Variants in HNRNPA0 observed in about 807,000 individuals in gnomAD.
HNRNPA0 encodes the protein hnRNA binding protein.
For missense variants in HNRNPA0, 252 were observed against 433.7 expected (o/e 0.58, Z 3.72); for synonymous variants, 243 against 195.5 (o/e 1.24, Z -2.03).
In HNRNPA0 at chr5:137,753,371, A is replaced by AT; in HGVS notation, c.695dup (p.Asn232LysfsTer19). On this transcript the variant is annotated frameshift_variant, in exon 1 of 1. Coordinates refer to ENST00000314940, the MANE Select transcript of HNRNPA0 (RefSeq NM_006805.4). LOFTEE classifies it low-confidence loss of function (END_TRUNC). The surrounding 1 kb of genome is among the most constrained non-coding windows in gnomAD (Gnocchi z 6.1). ...AACCGCCGCCGCCGCCTCCGTAGGC[A>AT]TTGTAGCCGCCGCCTCCGCCGCCGC... is the stretch of plus-strand genomic sequence containing the variant. 1 of 1,545,052 alleles carries AT rather than the reference A, an allele frequency of 6.5e-7. No individual in the cohort carries two copies. Among genetic ancestry groups the AT allele is most frequent in the South Asian group, 1.2e-5 (1 of 84,330 alleles).
At position 137,754,285 on chromosome 5, in the gene HNRNPA0, G is replaced by GA. The variant is rs1753563669; in HGVS notation, c.-220dup. 4.9e-6 allele frequency: 3 copies of GA among 614,028 alleles called. No homozygotes were observed. The South Asian group carries it at 7.4e-5, about 15-fold the overall frequency. 38.0% of individuals were successfully genotyped at this position (614,028 alleles called of 1,614,324 possible). A position where few individuals can be genotyped will look rare whatever the true frequency, so the allele number is the denominator to read the frequency against. ...GGTGCCGGCTAAAGGGCGAGCCGAG[G>GA]AGACTGGAAGACAACCAAGGCCACC... On this transcript the variant is annotated 5_prime_UTR_variant, in exon 1 of 1. Coordinates refer to ENST00000314940, the MANE Select transcript of HNRNPA0 (RefSeq NM_006805.4).
Position 137,753,065 on chromosome 5 carries a change from G to T in HNRNPA0, c.*84C>A. The T allele has an allele frequency of 7.2e-7, 1 of 1,395,788 alleles. No homozygotes were observed. The allele number at this position is 1,395,788 out of a possible 1,614,324, so 86.5% of individuals were successfully genotyped here. A position where few individuals can be genotyped will look rare whatever the true frequency, so the allele number is the denominator to read the frequency against. On this transcript the variant is annotated 3_prime_UTR_variant, in exon 1 of 1. Coordinates refer to ENST00000314940, the MANE Select transcript of HNRNPA0 (RefSeq NM_006805.4). This position sits in a 1 kb window ranked among gnomAD's most constrained non-coding sequence, Gnocchi z 6.1. ...AAACAGGGAAGGCGGTGTGTGTGAG[G>T]GGGTGGGGCTTAGGAGTTGACCCCA...
Position 137,749,766 on chromosome 5 carries a change from C to T in HNRNPA0, c.*3383G>A, listed in dbSNP as rs1369659116. On this transcript the variant is annotated 3_prime_UTR_variant, in exon 1 of 1. Coordinates refer to ENST00000314940, the MANE Select transcript of HNRNPA0 (RefSeq NM_006805.4). ...AATGCCTATCTGCAATCAGCAGACG[C>T]GGGCAGACAAAATTTAACCTAAAAT... The T allele has an allele frequency of 6.6e-6, 1 of 152,060 alleles. No individual in the cohort carries two copies. The highest frequency in any genetic ancestry group is 1.9e-4 in the East Asian group (1 of 5,194). 9.4% of individuals were successfully genotyped at this position (152,060 alleles called of 1,614,324 possible). A position where few individuals can be genotyped will look rare whatever the true frequency, so the allele number is the denominator to read the frequency against.
rs1753533974 is a variant in HNRNPA0 at position 137,753,058 on chromosome 5, G to C, written c.*91C>G. On this transcript the variant is annotated 3_prime_UTR_variant, in exon 1 of 1. Coordinates refer to ENST00000314940, the MANE Select transcript of HNRNPA0 (RefSeq NM_006805.4). The surrounding 1 kb of genome is among the most constrained non-coding windows in gnomAD (Gnocchi z 6.1). ...AAGGGCAAAACAGGGAAGGCGGTGTGTGTGAGGGGGTGGGGCTTAGGAGTT... is the reference window on the plus strand; with the variant it reads ...AAGGGCAAAACAGGGAAGGCGGTGTCTGTGAGGGGGTGGGGCTTAGGAGTT... 3 of 1,366,170 alleles carry C rather than the reference G, an allele frequency of 2.2e-6. No individual in the cohort carries two copies. In the East Asian group the frequency reaches 6.9e-5, roughly 32 times the overall value. The allele number at this position is 1,366,170 out of a possible 1,614,324, so 84.6% of individuals were successfully genotyped here.
At position 137,749,571 on chromosome 5, in the gene HNRNPA0, TC is replaced by T. The variant is rs1753463696; in HGVS notation, c.*3577del. Reference sequence around the variant, plus strand: ...TGACTAGGCAGTCTTTGTTGCTGTTTCAAAAGGCCAAAATAAGGCTGAGGAG... The same window carrying T: ...TGACTAGGCAGTCTTTGTTGCTGTTTAAAAGGCCAAAATAAGGCTGAGGAG... On this transcript the variant is annotated 3_prime_UTR_variant, in exon 1 of 1. Transcript: ENST00000314940. 1 of 152,208 alleles carries T rather than the reference TC, an allele frequency of 6.6e-6. No individual in the cohort carries two copies. Among genetic ancestry groups the T allele is most frequent in the African/African-American group, 2.4e-5 (1 of 41,464 alleles). The allele number at this position is 152,208 out of a possible 1,614,324, so 9.4% of individuals were successfully genotyped here. A position where few individuals can be genotyped will look rare whatever the true frequency, so the allele number is the denominator to read the frequency against.
chr5:137,754,173 G>C lies in HNRNPA0; in HGVS notation c.-107C>G. The C allele has an allele frequency of 7.2e-7, 1 of 1,395,312 alleles. No individual in the cohort carries two copies. The highest frequency in any genetic ancestry group is 9.5e-7 in the Non-Finnish European group (1 of 1,051,054). The allele number at this position is 1,395,312 out of a possible 1,614,324, so 86.4% of individuals were successfully genotyped here. On this transcript the variant is annotated 5_prime_UTR_variant, in exon 1 of 1. Transcript: ENST00000314940. ...CACAGCTTGGGCCCAGCCGTTGCTG[G>C]AGCCACCCCCGCCGCTCACCGACGG...
rs1753442949 is a variant in HNRNPA0, at chr5:137,748,400, T to C, written c.*4749A>G. 1.3e-5 allele frequency: 2 copies of C among 152,126 alleles called. No individual in the cohort carries two copies. Among genetic ancestry groups the C allele is most frequent in the South Asian group, 4.1e-4 (2 of 4,832 alleles). The allele number at this position is 152,126 out of a possible 1,614,324, so 9.4% of individuals were successfully genotyped here. On this transcript the variant is annotated 3_prime_UTR_variant, in exon 1 of 1. Coordinates refer to ENST00000314940, the MANE Select transcript of HNRNPA0 (RefSeq NM_006805.4). ...AGCAGTGATTTAGAGAACTACCACA[T>C]GGAAGCTCACCCAGCAAGTAAAGAG...
In HNRNPA0 at chr5:137,753,839, A is replaced by G; in HGVS notation, c.228T>C (p.Thr76=). ...AASPHAVDGN[T]VELKRAVSRE... Reference sequence around the variant, plus strand: ...GGGACACCGCCCGCTTCAGCTCCACAGTGTTGCCGTCCACGGCATGGGGCG... The same window carrying G: ...GGGACACCGCCCGCTTCAGCTCCACGGTGTTGCCGTCCACGGCATGGGGCG... Residue 76 remains threonine, a synonymous_variant, in exon 1 of 1, where the codon ACT becomes ACC. Coordinates refer to ENST00000314940, the MANE Select transcript of HNRNPA0 (RefSeq NM_006805.4). The surrounding 1 kb of genome is among the most constrained non-coding windows in gnomAD (Gnocchi z 6.1). The G allele has an allele frequency of 6.2e-7, 1 of 1,612,456 alleles. No homozygotes were observed. The highest frequency in any genetic ancestry group is 1.3e-5 in the African/African-American group (1 of 75,034).
Position 137,749,604 on chromosome 5 carries a change from TTCCCCAATGA to T in HNRNPA0, c.*3535_*3544del, listed in dbSNP as rs1393605387. On this transcript the variant is annotated 3_prime_UTR_variant, in exon 1 of 1. Transcript: ENST00000314940. ...CCAAAATAAGGCTGAGGAGGAAAAT[TTCCCCAATGA>T]TCACTCTTAAAGTGATTCAATAAAT... 6.6e-6 allele frequency: 1 copy of T among 152,156 alleles called. No individual in the cohort carries two copies. The highest frequency in any genetic ancestry group is 2.4e-5 in the African/African-American group (1 of 41,458). The allele number at this position is 152,156 out of a possible 1,614,324, so 9.4% of individuals were successfully genotyped here. A position where few individuals can be genotyped will look rare whatever the true frequency, so the allele number is the denominator to read the frequency against.
Position 137,747,005 on chromosome 5 carries a change from A to T in HNRNPA0, c.*6144T>A, listed in dbSNP as rs555651563. 8 of 152,264 alleles carry T rather than the reference A, an allele frequency of 5.3e-5. No homozygotes were observed. The highest frequency in any genetic ancestry group is 1.9e-4 in the African/African-American group (8 of 41,558). The allele number at this position is 152,264 out of a possible 1,614,324, so 9.4% of individuals were successfully genotyped here. Reference sequence around the variant, plus strand: ...ACCACAGTATATTCAGTTATTGAAGAGTTTTAATAAAAGGAACTATTTACA... The same window carrying T: ...ACCACAGTATATTCAGTTATTGAAGTGTTTTAATAAAAGGAACTATTTACA... On this transcript the variant is annotated 3_prime_UTR_variant, in exon 1 of 1. Coordinates refer to ENST00000314940, the MANE Select transcript of HNRNPA0 (RefSeq NM_006805.4).
In HNRNPA0 at chr5:137,753,521, A is replaced by T. The variant is rs1753549337; in HGVS notation, c.546T>A (p.Gly182=). ...AGGATCGGGAGCCGCCTCCACCCCCACCGGAGTAGATATCCTCCTTGGGGA... is the reference window on the plus strand; with the variant it reads ...AGGATCGGGAGCCGCCTCCACCCCCTCCGGAGTAGATATCCTCCTTGGGGA... ...KAVPKEDIYS[G]GGGGGSRSSR... is the part of the protein sequence containing the mutation. The change falls in exon 1 of 1, where the codon GGT becomes GGA. Residue 182 remains glycine, a synonymous_variant. Coordinates refer to ENST00000314940, the MANE Select transcript of HNRNPA0 (RefSeq NM_006805.4). The surrounding 1 kb of genome is among the most constrained non-coding windows in gnomAD (Gnocchi z 6.1). 3 of 1,608,272 alleles carry T rather than the reference A, an allele frequency of 1.9e-6. No individual in the cohort carries two copies. The East Asian group carries it at 6.7e-5, about 36-fold the overall frequency.
In HNRNPA0 at chr5:137,754,142, C is replaced by G; in HGVS notation, c.-76G>C. 6.7e-7 allele frequency: 1 copy of G among 1,498,584 alleles called. No homozygotes were observed. The highest frequency in any genetic ancestry group is 8.9e-7 in the Non-Finnish European group (1 of 1,123,532). The allele number at this position is 1,498,584 out of a possible 1,614,324, so 92.8% of individuals were successfully genotyped here. A position where few individuals can be genotyped will look rare whatever the true frequency, so the allele number is the denominator to read the frequency against. On this transcript the variant is annotated 5_prime_UTR_variant, in exon 1 of 1. Transcript: ENST00000314940. ...TCGCCGCCGTTATCGTTGGTTAAGG[C>G]CTCTACACAGCTTGGGCCCAGCCGT... is the stretch of plus-strand genomic sequence containing the variant.
chr5:137,754,123 C>T lies in HNRNPA0; in HGVS notation c.-57G>A. The T allele has an allele frequency of 6.5e-6, 10 of 1,540,870 alleles. No individual in the cohort carries two copies. The highest frequency in any genetic ancestry group is 8.7e-6 in the Non-Finnish European group (10 of 1,144,650). ...GAGCTCCGAGGTTTCGCCGTCGCCG[C>T]CGTTATCGTTGGTTAAGGCCTCTAC... On this transcript the variant is annotated 5_prime_UTR_variant, in exon 1 of 1. Coordinates refer to ENST00000314940, the MANE Select transcript of HNRNPA0 (RefSeq NM_006805.4).
Position 137,753,608 on chromosome 5 carries a change from G to C in HNRNPA0, c.459C>G (p.Asp153Glu). 1.9e-6 allele frequency: 3 copies of C among 1,614,150 alleles called. No homozygotes were observed. The highest frequency in any genetic ancestry group is 2.5e-6 in the Non-Finnish European group (3 of 1,180,032). The part of the protein sequence containing the change: ...FVYFQNHDAA[D>E]KAAVVKFHPI... ...GATGGAACTTGACCACCGCGGCCTTGTCTGCCGCGTCGTGATTCTGGAAAT... is the reference window on the plus strand; with the variant it reads ...GATGGAACTTGACCACCGCGGCCTTCTCTGCCGCGTCGTGATTCTGGAAAT... Residue 153 changes from aspartate to glutamate, a missense_variant, in exon 1 of 1, where the codon GAC (aspartate) becomes GAG (glutamate). Physicochemically the swap from Asp to Glu is conservative, Grantham distance 45 (BLOSUM62 2). Coordinates refer to ENST00000314940, the MANE Select transcript of HNRNPA0 (RefSeq NM_006805.4). This position sits in a 1 kb window ranked among gnomAD's most constrained non-coding sequence, Gnocchi z 6.1.
chr5:137,752,970 G>C lies in HNRNPA0; in HGVS notation c.*179C>G. On this transcript the variant is annotated 3_prime_UTR_variant, in exon 1 of 1. Coordinates refer to ENST00000314940, the MANE Select transcript of HNRNPA0 (RefSeq NM_006805.4). ...AGTCCATCTTCAGAGGGAGAGACAA[G>C]AGAGGTGGCAGGCAAATAGAGGAAC... 3.4e-6 allele frequency: 2 copies of C among 588,254 alleles called. No homozygotes were observed. Among genetic ancestry groups the C allele is most frequent in the Middle Eastern group, 4.6e-4 (1 of 2,194 alleles). The allele number at this position is 588,254 out of a possible 1,614,324, so 36.4% of individuals were successfully genotyped here. A position where few individuals can be genotyped will look rare whatever the true frequency, so the allele number is the denominator to read the frequency against.
chr5:137,751,449 G>C lies in HNRNPA0; in HGVS notation c.*1700C>G, dbSNP rs1412670747. 1.3e-5 allele frequency: 2 copies of C among 148,604 alleles called. No individual in the cohort carries two copies. Among genetic ancestry groups the C allele is most frequent in the African/African-American group, 5.0e-5 (2 of 40,072 alleles). The allele number at this position is 148,604 out of a possible 1,614,324, so 9.2% of individuals were successfully genotyped here. ...TCAGAAAGCTTCTTAGTATAGCTTT[G>C]AGCCTTCAACGTCAACATGTAAGTC... On this transcript the variant is annotated 3_prime_UTR_variant, in exon 1 of 1. Coordinates refer to ENST00000314940, the MANE Select transcript of HNRNPA0 (RefSeq NM_006805.4).
Position 137,751,172 on chromosome 5 carries a change from T to C in HNRNPA0, c.*1977A>G, listed in dbSNP as rs1270784429. 1 of 152,038 alleles carries C rather than the reference T, an allele frequency of 6.6e-6. No homozygotes were observed. Among genetic ancestry groups the C allele is most frequent in the Non-Finnish European group, 1.5e-5 (1 of 67,986 alleles). 9.4% of individuals were successfully genotyped at this position (152,038 alleles called of 1,614,324 possible). On this transcript the variant is annotated 3_prime_UTR_variant, in exon 1 of 1. Coordinates refer to ENST00000314940, the MANE Select transcript of HNRNPA0 (RefSeq NM_006805.4). ...TGTATTACCTCAATGTGTAAAAACA[T>C]CCACCCCGTTTGTCATAGAGGATAT... is the stretch of plus-strand genomic sequence containing the variant.
At position 137,753,366 on chromosome 5, in the gene HNRNPA0, T is replaced by C. The variant is rs1479775463; in HGVS notation, c.701A>G (p.Tyr234Cys). The change falls in exon 1 of 1, where the codon TAC (tyrosine) becomes TGC (cysteine). Residue 234 changes from tyrosine (Y) to cysteine (C), a missense_variant. Physicochemically the swap from Tyr to Cys is radical, Grantham distance 194. Transcript: ENST00000314940. The surrounding 1 kb of genome is among the most constrained non-coding windows in gnomAD (Gnocchi z 6.1). The stretch of plus-strand genomic sequence containing the variant: ...GGACGAACCGCCGCCGCCGCCTCCG[T>C]AGGCATTGTAGCCGCCGCCTCCGCC... Reference protein sequence around the residue: ...GGGGGGGYNAYGGGGGGSSYG... With the variant: ...GGGGGGGYNACGGGGGGSSYG... 2 of 1,546,530 alleles carry C rather than the reference T, an allele frequency of 1.3e-6. No homozygotes were observed. The highest frequency in any genetic ancestry group is 2.4e-5 in the East Asian group (1 of 40,820).
chr5:137,753,383 G>T lies in HNRNPA0; in HGVS notation c.684C>A (p.Gly228=). Residue 228 remains glycine (G), a synonymous_variant, in exon 1 of 1, where the codon GGC becomes GGA. Coordinates refer to ENST00000314940, the MANE Select transcript of HNRNPA0 (RefSeq NM_006805.4). This position sits in a 1 kb window ranked among gnomAD's most constrained non-coding sequence, Gnocchi z 6.1. ...CGCCTCCGTAGGCATTGTAGCCGCC[G>T]CCTCCGCCGCCGCCGTAACCACCGT... is the stretch of plus-strand genomic sequence containing the variant. The part of the protein sequence containing the change: ...NSYGGYGGGG[G]GGYNAYGGGG... 1.3e-6 allele frequency: 2 copies of T among 1,543,964 alleles called. No homozygotes were observed. Among genetic ancestry groups the T allele is most frequent in the Non-Finnish European group, 8.7e-7 (1 of 1,143,702 alleles).
Sources: gnomAD v4.1 joint callset for allele counts on GRCh38, gnomAD v4.1.1 for gene constraint, Gnocchi (gnomAD v3.1) non-coding constraint, MANE v1.5 for transcripts, NCBI Gene and HGNC (gene_info 2026-07-23, HGNC 2026-07-21) for gene names.